NALF1: variants seen among roughly 807,000 people sequenced by gnomAD.
NALF1 encodes the protein family with sequence similarity 155 member A.
NALF1 carries 3 observed loss-of-function variants against 48.4 expected under a neutral mutation model. That is an observed-to-expected ratio of 0.06 (90% CI 0.03 to 0.16). NALF1 has a LOEUF of 0.16. NALF1 is among the 10% of genes least tolerant of loss of function. NALF1 has a pLI of 1.00. For synonymous variants in NALF1, 262 were observed against 245.7 expected (o/e 1.07, Z -0.62); for missense variants, 526 against 571.5 (o/e 0.92, Z 0.81).
chr13:107,341,808 C>G (rs1882687203), intron 1 of NALF1, among the ~76,000 whole-genome samples: 1 of 151,266 alleles, frequency 6.6e-6, no homozygotes, highest in Admixed American at 6.6e-5. Context: ...TTATCTTCAA[C>G]ATTACCCAGG....
chr13:107,513,467 T>A (rs6492058), intron 1 of NALF1, among the ~76,000 whole-genome samples: 104,620 of 151,542 alleles, frequency 0.69, 37,068 homozygotes, highest in Middle Eastern at 0.82. Flanking sequence ...TGTGGGAAAC[T>A]AGCCATTGTT....
chr13:107,369,802 A>T (rs1297882448), intron 1 of NALF1, among the ~76,000 whole-genome samples: 1 of 152,204 alleles, frequency 6.6e-6, no homozygotes, highest in African/African-American at 2.4e-5. Context: ...ATATAATGAT[A>T]GTTGGTAAGT....
chr13:107,716,044 T>G (rs1875807226), intron 1 of NALF1, among the ~76,000 whole-genome samples: 1 of 152,026 alleles, frequency 6.6e-6, no homozygotes, highest in Non-Finnish European at 1.5e-5. Context: ...AAACTTAGGG[T>G]GTTAAACTTA....
chr13:107,179,117 C>A (rs767008231), intron 2 of NALF1, among the ~76,000 whole-genome samples: 148 of 152,122 alleles, frequency 9.7e-4, no homozygotes, highest in Non-Finnish European at 1.5e-3. Flanking sequence ...ACCTAAGCAT[C>A]CATTGACAGA....
rs1176894335 is a variant in NALF1 at position 107,515,910 on chromosome 13, G to C, written c.916-305155C>G. 2.0e-5 allele frequency among the ~76,000 whole-genome samples: 3 copies of C among 152,158 alleles called. No individual in the cohort carries two copies. The East Asian group carries it at 5.8e-4, about 29-fold the overall frequency. ...AGAAGAAAGTTGTATCTCAGGCATT[G>C]ACTATGTCATGAAAGGAACTGAAAA... On this transcript the variant is annotated intron_variant, in intron 1 of 2. Coordinates refer to ENST00000375915, the MANE Select transcript of NALF1 (RefSeq NM_001080396.3).
intron 1 of NALF1, among the ~76,000 whole-genome samples, chr13:107,602,312 T>G (rs1335122623): frequency 6.6e-6 from 1 of 152,162 alleles, no homozygotes; most frequent in East Asian, 1.9e-4. Context: ...AGAAAGCGGC[T>G]GAGAATAAGC....
At chr13:107,667,611 C>G (rs1010391883) in intron 1 of NALF1, among the ~76,000 whole-genome samples, 34 of 152,144 alleles carry the variant, frequency 2.2e-4, no homozygotes, top group African/African-American at 8.2e-4. Context: ...AAGGAAAGTG[C>G]AGTGTTAATA....
At chr13:107,172,991 A>G (rs1319702234) in intron 2 of NALF1, among the ~76,000 whole-genome samples, 1 of 152,120 alleles carries the variant, frequency 6.6e-6, no homozygotes, top group African/African-American at 2.4e-5. Context: ...CATCTTTTTA[A>G]CAAGTTTTTA....
intron 1 of NALF1, among the ~76,000 whole-genome samples, chr13:107,612,472 T>C (rs1879258173): frequency 6.6e-6 from 1 of 152,108 alleles, no homozygotes. Flanking sequence ...TCCCACATTG[T>C]TCTGGGTGTG....
rs112810030 is a variant in NALF1, at chr13:107,302,815, T to A, written c.916-92060A>T. Among the ~76,000 whole-genome samples the A allele has an allele frequency of 6.4e-3, 969 of 152,308 alleles. 4 individuals are homozygous for A. The highest frequency in any genetic ancestry group is 9.8e-3 in the Non-Finnish European group (668 of 68,024). ...GGCACTGCAGGCTACATATGATTTC[T>A]CGCCACATATGACTGCTCTCTCTCT... On this transcript the variant is annotated intron_variant, in intron 1 of 2. Transcript: ENST00000375915.
At chr13:107,587,964 T>A (rs1878504811) in intron 1 of NALF1, among the ~76,000 whole-genome samples, 1 of 152,108 alleles carries the variant, frequency 6.6e-6, no homozygotes, top group African/African-American at 2.4e-5. Flanking sequence ...AATGTGTGCA[T>A]GGAAGAATGA....
At chr13:107,774,446 A>G (rs1197590353) in intron 1 of NALF1, among the ~76,000 whole-genome samples, 1 of 152,186 alleles carries the variant, frequency 6.6e-6, no homozygotes, top group Non-Finnish European at 1.5e-5. Flanking sequence ...TACATTCAGC[A>G]ATTTTACAGT....
intron 1 of NALF1, among the ~76,000 whole-genome samples, chr13:107,834,845 A>T (rs1343107069): frequency 5.3e-5 from 8 of 152,214 alleles, no homozygotes; most frequent in African/African-American, 1.9e-4. Context: ...CTGTGTAACA[A>T]ATTCCTCAGA....
At chr13:107,498,747 T>G (rs534954062) in intron 1 of NALF1, among the ~76,000 whole-genome samples, 1 of 152,302 alleles carries the variant, frequency 6.6e-6, no homozygotes, top group African/African-American at 2.4e-5. Flanking sequence ...CCTTTTATTG[T>G]TTTGACAATG....
At chr13:107,181,428 T>C (rs1181021040) in intron 2 of NALF1, among the ~76,000 whole-genome samples, 2 of 151,660 alleles carry the variant, frequency 1.3e-5, no homozygotes, top group Non-Finnish European at 3.0e-5. Flanking sequence ...TATTTTGTAA[T>C]TGTATTTTAT....
chr13:107,742,439 C>T (rs1211612563), intron 1 of NALF1, among the ~76,000 whole-genome samples: 1 of 152,166 alleles, frequency 6.6e-6, no homozygotes, highest in East Asian at 1.9e-4. Flanking sequence ...CGGTTACTCC[C>T]ATGTTGTTCT....
chr13:107,264,923 A>G (rs2138857583), intron 1 of NALF1, among the ~76,000 whole-genome samples: 1 of 152,222 alleles, frequency 6.6e-6, no homozygotes, highest in Middle Eastern at 3.4e-3. Flanking sequence ...CTGATTTTTC[A>G]CTCTTTCAAA....
chr13:107,743,680 T>C (rs1250291483), intron 1 of NALF1, among the ~76,000 whole-genome samples: 3 of 152,212 alleles, frequency 2.0e-5, no homozygotes, highest in Non-Finnish European at 4.4e-5. Flanking sequence ...CAGGAGGATA[T>C]TCCTCACAGA....
chr13:107,666,778 AT>A (rs972346731), intron 1 of NALF1, among the ~76,000 whole-genome samples: 4 of 151,656 alleles, frequency 2.6e-5, no homozygotes, highest in East Asian at 3.9e-4. Flanking sequence ...TGCCCCCATA[AT>A]TTTTTTGTAA....
Sources: allele counts gnomAD v4.1 joint callset (sites outside exome capture counted in the v4.1 genomes callset), GRCh38; gene constraint gnomAD v4.1.1; transcripts MANE v1.5; gene names NCBI Gene and HGNC (gene_info 2026-07-23, HGNC 2026-07-21).